DENND1A: variants seen among roughly 807,000 people sequenced by gnomAD.
The protein encoded by DENND1A is DENN domain containing 1A.
In DENND1A, 51 loss-of-function variants were observed where a neutral mutation model predicts 113.7. The ratio of observed to expected loss-of-function variants is 0.45; its 90% CI spans 0.36 to 0.57. DENND1A has a LOEUF of 0.57. DENND1A is among the 20% of genes least tolerant of loss of function. The pLI is 0.00. For missense variants in DENND1A, 1,258 were observed against 1,395.9 expected (o/e 0.90, Z 1.57); for synonymous variants, 565 against 570.8 (o/e 0.99, Z 0.14).
At chr9:123,571,176 C>G (rs1474609886) in intron 12 of DENND1A, among the ~76,000 whole-genome samples, 2 of 152,120 alleles carry the variant, frequency 1.3e-5, no homozygotes, top group African/African-American at 4.8e-5. Context: ...CATCCTGCCT[C>G]CAAAGTAACC....
At chr9:123,494,419 A>C (rs1364081634) in intron 13 of DENND1A, among the ~76,000 whole-genome samples, 1 of 152,202 alleles carries the variant, frequency 6.6e-6, no homozygotes, top group Non-Finnish European at 1.5e-5. Context: ...TCAGTTTCAT[A>C]GATGAGACAA....
intron 13 of DENND1A, among the ~76,000 whole-genome samples, chr9:123,463,637 T>A (rs2048708294): frequency 6.6e-6 from 1 of 151,908 alleles, no homozygotes; most frequent in Non-Finnish European, 1.5e-5. Flanking sequence ...CGGCCAGGAG[T>A]AGTGGTTCAC....
rs10986119 is a variant in DENND1A, at chr9:123,845,145, G to A, written c.88+33806C>T. Among the ~76,000 whole-genome samples, 933 of 152,036 alleles carry A rather than the reference G, an allele frequency of 6.1e-3. 3 individuals carry two copies. Among genetic ancestry groups the A allele is most frequent in the Admixed American group, 0.016 (251 of 15,270 alleles). On this transcript the variant is annotated intron_variant, in intron 2 of 23. Transcript: ENST00000394215. ...TGAGACACAAGAATCTCTTGAACCC[G>A]GGAGGCAGAGGTTGCAGTGAGTCAA...
intron 13 of DENND1A, among the ~76,000 whole-genome samples, chr9:123,529,921 G>A (rs946059005): frequency 3.3e-5 from 5 of 152,068 alleles, no homozygotes; most frequent in Non-Finnish European, 5.9e-5. Flanking sequence ...ATTTTACCTC[G>A]GGAAAAATCC....
At position 123,381,857 on chromosome 9, in the gene DENND1A, C is replaced by T. The variant is rs775689158; in HGVS notation, c.2788G>A (p.Gly930Ser). The part of the protein sequence containing the change: ...PASLGPAFAS[G>S]LLLSSAGFCA... ...AAGCCAGCACTGGACAGCAGGAGGC[C>T]GGACGCAAAAGCCGGCCCCAGGGAA... Residue 930 changes from glycine to serine, a missense_variant, in exon 24 of 24, where the codon GGC becomes AGC. Physicochemically the swap from Gly to Ser is moderately conservative, Grantham distance 56. This residue lies in a region of DENND1A where 1,159 missense variants were observed against 1,231.7 expected (regional missense o/e 0.94). Coordinates refer to ENST00000394215, the MANE Select transcript of DENND1A (RefSeq NM_001352964.2). This position sits in a 1 kb window ranked among gnomAD's most constrained non-coding sequence, Gnocchi z 4.7. 55 of 1,456,758 alleles carry T rather than the reference C, an allele frequency of 3.8e-5. No individual in the cohort carries two copies. The East Asian group carries it at 5.9e-4, about 16-fold the overall frequency. The allele number at this position is 1,456,758 out of a possible 1,614,324, so 90.2% of individuals were successfully genotyped here. A position where few individuals can be genotyped will look rare whatever the true frequency, so the allele number is the denominator to read the frequency against.
chr9:123,610,698 C>G (rs2060379122), intron 10 of DENND1A, among the ~76,000 whole-genome samples: 1 of 152,144 alleles, frequency 6.6e-6, no homozygotes, highest in African/African-American at 2.4e-5. Context: ...CTGGGGTGAA[C>G]AGGTACTTTT....
At chr9:123,714,432 T>A (rs1263725495) in intron 5 of DENND1A, among the ~76,000 whole-genome samples, 1 of 151,934 alleles carries the variant, frequency 6.6e-6, no homozygotes, top group African/African-American at 2.4e-5. Context: ...TGAAACCCCA[T>A]CTCCACTAAA....
intron 1 of DENND1A, among the ~76,000 whole-genome samples, chr9:123,917,924 C>T (rs1855465283): frequency 6.6e-6 from 1 of 151,336 alleles, no homozygotes; most frequent in Admixed American, 6.6e-5. Context: ...TCCTGGCTAA[C>T]ACGGTGAAAC....
At chr9:123,789,736 A>G (rs1832719593) in intron 3 of DENND1A, among the ~76,000 whole-genome samples, 1 of 152,152 alleles carries the variant, frequency 6.6e-6, no homozygotes, top group African/African-American at 2.4e-5. Flanking sequence ...AGGAGAGCCA[A>G]AAGGCTGGTC....
chr9:123,918,691 A>C (rs73577788), intron 1 of DENND1A, among the ~76,000 whole-genome samples: 3 of 152,234 alleles, frequency 2.0e-5, no homozygotes, highest in African/African-American at 7.2e-5. Flanking sequence ...TGCCTTTCCT[A>C]TATGAACTGT....
intron 2 of DENND1A, among the ~76,000 whole-genome samples, chr9:123,799,551 CGAA>C (rs1311064215): frequency 4.6e-5 from 7 of 152,080 alleles, no homozygotes; most frequent in Non-Finnish European, 1.0e-4. Context: ...AAAGGTTCCA[CGAA>C]GAAGTAGTAG....
rs75228252 is a variant in DENND1A at position 123,882,132 on chromosome 9, A to T, written c.18-3111T>A. ...CTGGGCTTTCATTACCATGCATACA[A>T]GCCCCAGTCACATCTCCAACCTGAC... is the stretch of plus-strand genomic sequence containing the variant. On this transcript the variant is annotated intron_variant, in intron 1 of 23. Coordinates refer to ENST00000394215, the MANE Select transcript of DENND1A (RefSeq NM_001352964.2). 1.6e-4 allele frequency among the ~76,000 whole-genome samples: 24 copies of T among 152,028 alleles called. No individual in the cohort carries two copies. The East Asian group carries it at 4.1e-3, about 26-fold the overall frequency.
chr9:123,651,990 C>T (rs1360313155), intron 9 of DENND1A, 23 bp downstream of exon 9: 2 of 1,571,396 alleles, frequency 1.3e-6, no homozygotes, highest in Non-Finnish European at 8.7e-7. Flanking sequence ...ATTAAAAAGC[C>T]AGTCTTAAGA....
At chr9:123,746,314 C>A (rs1350902151) in intron 5 of DENND1A, among the ~76,000 whole-genome samples, 1 of 151,990 alleles carries the variant, frequency 6.6e-6, no homozygotes, top group African/African-American at 2.4e-5. Flanking sequence ...CAATTTGCCA[C>A]TGAAATAACT....
intron 2 of DENND1A, among the ~76,000 whole-genome samples, chr9:123,847,898 T>A (rs759132206): frequency 6.6e-6 from 1 of 152,096 alleles, no homozygotes; most frequent in African/African-American, 2.4e-5. Context: ...AGCCCCACTG[T>A]ACTCCAGCTT....
intron 3 of DENND1A, among the ~76,000 whole-genome samples, chr9:123,783,010 T>G (rs538363337): frequency 1.8e-4 from 28 of 152,228 alleles, no homozygotes; most frequent in African/African-American, 6.5e-4. Context: ...GTACTGTATA[T>G]AAATATTTGA....
chr9:123,752,543 A>G (rs1276060191), intron 5 of DENND1A, among the ~76,000 whole-genome samples: 1 of 152,196 alleles, frequency 6.6e-6, no homozygotes, highest in Non-Finnish European at 1.5e-5. Flanking sequence ...AAAAGACAAA[A>G]GGTATTTAAT....
intron 3 of DENND1A, among the ~76,000 whole-genome samples, chr9:123,770,141 A>G (rs1050558481): frequency 5.9e-5 from 9 of 152,252 alleles, no homozygotes; most frequent in African/African-American, 2.2e-4. Context: ...TTTTGGGCAT[A>G]TATTTATTTT....
At chr9:123,883,689 A>C (rs1848617982) in intron 1 of DENND1A, among the ~76,000 whole-genome samples, 1 of 152,170 alleles carries the variant, frequency 6.6e-6, no homozygotes, top group African/African-American at 2.4e-5. Flanking sequence ...ATAAAAGATA[A>C]ATTTCAAAGA....
Sources: allele counts gnomAD v4.1 joint callset (sites outside exome capture counted in the v4.1 genomes callset), GRCh38; gene constraint gnomAD v4.1.1; regional missense constraint gnomAD v4.1.1; non-coding constraint Gnocchi (gnomAD v3.1); transcripts MANE v1.5; gene names NCBI Gene and HGNC (gene_info 2026-07-23, HGNC 2026-07-21).